Variants in TRIP6 observed in about 807,000 individuals in gnomAD.
TRIP6 encodes the protein thyroid hormone receptor interactor 6.
A neutral mutation model predicts 51.9 loss-of-function variants in TRIP6; 33 were observed. The observed-to-expected ratio is 0.64, with a 90% CI of 0.48 to 0.85. The LOEUF (loss-of-function observed/expected upper bound fraction) is 0.85. Ranked by LOEUF, TRIP6 falls within the 40% of genes least tolerant of loss-of-function variation. The probability of loss-of-function intolerance (pLI) is 0.00; values close to 1 mark genes in which losing one functional copy is unlikely to be tolerated. For missense variants in TRIP6, 661 were observed against 652.1 expected (o/e 1.01, Z -0.15); for synonymous variants, 255 against 275.8 (o/e 0.92, Z 0.75).
chr7:100,872,629 T>C lies in TRIP6; in HGVS notation c.1184T>C (p.Phe395Ser), dbSNP rs759739584. The change falls in exon 8 of 9, where the codon TTT becomes TCT. Residue 395 changes from phenylalanine (F) to serine (S), a missense_variant. By Grantham distance (155) the Phe-to-Ser change is radical. Transcript: ENST00000200457. ...TTGGTTCTCTTCCCCTGCAGGAAGT[T>C]TGCCCCAAGATGCTCAGTGTGCGGT... ...IHCIEDFHRK[F>S]APRCSVCGGA... 1 of 1,614,002 alleles carries C rather than the reference T, an allele frequency of 6.2e-7. No homozygotes were observed. Among genetic ancestry groups the C allele is most frequent in the Non-Finnish European group, 8.5e-7 (1 of 1,179,926 alleles).
intron 3 of TRIP6, 24 bp from the exon 4 acceptor site, chr7:100,868,471 C>A: frequency 8.1e-6 from 13 of 1,613,018 alleles, no homozygotes; most frequent in Non-Finnish European, 1.1e-5. Context: ...TTGCTTACGA[C>A]TTCTGGCCTG....
In TRIP6 at chr7:100,868,745, G is replaced by T. The variant is rs956739490; in HGVS notation, c.614G>T (p.Arg205Leu). 3.9e-6 allele frequency: 6 copies of T among 1,555,302 alleles called. No individual in the cohort carries two copies. The East Asian group carries it at 1.1e-4, about 29-fold the overall frequency. Reference protein sequence around the residue: ...LPGPHFPLPGRGEVWGPGYRS... With the variant: ...LPGPHFPLPGLGEVWGPGYRS... ...GGCCCCCACTTTCCTCTCCCAGGCC[G>T]AGGTGAAGTCTGGGGGCCTGGCTAT... Residue 205 changes from arginine (R) to leucine (L), a missense_variant, in exon 4 of 9, where the codon CGA (arginine) becomes CTA (leucine). Transcript: ENST00000200457.
At position 100,871,780 on chromosome 7, in the gene TRIP6, C is replaced by T. The variant is rs1815277261; in HGVS notation, c.1178+59C>T. 3 of 1,578,208 alleles carry T rather than the reference C, an allele frequency of 1.9e-6. No individual in the cohort carries two copies. In the South Asian group the frequency reaches 3.4e-5, roughly 18 times the overall value. On this transcript the variant is annotated intron_variant, in intron 7 of 8. Coordinates refer to ENST00000200457, the MANE Select transcript of TRIP6 (RefSeq NM_003302.3). ...CTGACCTTTCCTGTCTCTCTCATCT[C>T]TTCATGCCCCAGGACTGTCTCTTCC... is the stretch of plus-strand genomic sequence containing the variant.
At chr7:100,872,507 T>C in intron 7 of TRIP6, 117 bp from the exon 8 acceptor site, 4 of 1,464,970 alleles carry the variant, frequency 2.7e-6, no homozygotes, top group Non-Finnish European at 3.7e-6. Flanking sequence ...CCCCAAGACC[T>C]AAGGCCATAC....
In TRIP6 at chr7:100,870,456, G is replaced by A; in HGVS notation, c.822G>A (p.Glu274=). Residue 274 remains glutamate (E), a synonymous_variant, in exon 5 of 9, where the codon GAG becomes GAA. Transcript: ENST00000200457. ...ACATGAACCACCCGCCCAGCGGGGA[G>A]TACTTTGGTGAGCTGAGGCTGTGGG... ...VHDMNHPPSG[E]YFGQCGGCGE... 1 of 1,554,758 alleles carries A rather than the reference G, an allele frequency of 6.4e-7. No individual in the cohort carries two copies. Among genetic ancestry groups the A allele is most frequent in the Non-Finnish European group, 8.8e-7 (1 of 1,137,432 alleles).
At chr7:100,868,424 G>C in intron 3 of TRIP6, 71 bp from the exon 4 acceptor site, 1 of 1,607,398 alleles carries the variant, frequency 6.2e-7, no homozygotes, top group East Asian at 2.2e-5. Context: ...CCACAGCCAG[G>C]GTCATTTCCA....
rs1050009882 is a variant in TRIP6, at chr7:100,870,255, G to A, written c.736-115G>A. On this transcript the variant is annotated intron_variant, in intron 4 of 8. Coordinates refer to ENST00000200457, the MANE Select transcript of TRIP6 (RefSeq NM_003302.3). ...ACAGATGAAGCTTTGCTTGCCCATT[G>A]CTCAGCTCCTGCTGTGTGGCCCAGT... The A allele has an allele frequency of 8.8e-6, 9 of 1,018,590 alleles. No homozygotes were observed. The African/African-American group carries it at 1.3e-4, about 15-fold the overall frequency. The allele number at this position is 1,018,590 out of a possible 1,614,324, so 63.1% of individuals were successfully genotyped here. A position where few individuals can be genotyped will look rare whatever the true frequency, so the allele number is the denominator to read the frequency against.
chr7:100,870,347 C>G (rs1048751928), intron 4 of TRIP6, 23 bp from the exon 5 acceptor site: 3 of 1,457,214 alleles, frequency 2.1e-6, no homozygotes, highest in Admixed American at 4.5e-5. Flanking sequence ...AGAGTAGGAC[C>G]GAGCCCGATT....
intron 8 of TRIP6, 104 bp downstream of exon 8, chr7:100,872,848 CTTTCTTTT>C: frequency 2.3e-6 from 3 of 1,281,316 alleles, no homozygotes; most frequent in Non-Finnish European, 3.1e-6. Context: ...CCTGTTGCTT[CTTTCTTTT>C]TTTTTTTTTT....
rs35246066 is a variant in TRIP6, at chr7:100,872,645, A to T, written c.1200A>T (p.Ser400=). Reference sequence around the variant, plus strand: ...GCAGGAAGTTTGCCCCAAGATGCTCAGTGTGCGGTGGGGCCATAATGCCTG... The same window carrying T: ...GCAGGAAGTTTGCCCCAAGATGCTCTGTGTGCGGTGGGGCCATAATGCCTG... The part of the protein sequence containing the change: ...DFHRKFAPRC[S]VCGGAIMPEP... The change falls in exon 8 of 9, where the codon TCA becomes TCT. Residue 400 remains serine, a synonymous_variant. Transcript: ENST00000200457. The T allele has an allele frequency of 7.8e-4, 1,255 of 1,614,006 alleles. 11 individuals are homozygous for T. In the African/African-American group the frequency reaches 0.015, roughly 19 times the overall value.
chr7:100,872,168 C>A (rs1481088422), intron 7 of TRIP6, among the ~76,000 whole-genome samples: 3 of 150,582 alleles, frequency 2.0e-5, no homozygotes, highest in African/African-American at 7.3e-5. Flanking sequence ...GCGCATGCCA[C>A]CACGCCTGGC....
In TRIP6 at chr7:100,868,728, C is replaced by A. The variant is rs143534289; in HGVS notation, c.597C>A (p.His199Gln). The A allele has an allele frequency of 7.6e-4, 1,184 of 1,565,716 alleles. 9 individuals are homozygous for A. The East Asian group carries it at 0.019, about 25-fold the overall frequency. The stretch of plus-strand genomic sequence containing the variant: ...CCTCTGGGCCCCTCCCGGGCCCCCA[C>A]TTTCCTCTCCCAGGCCGAGGTGAAG... ...SQASGPLPGP[H>Q]FPLPGRGEVW... The change falls in exon 4 of 9, where the codon CAC becomes CAA. Residue 199 changes from histidine (H) to glutamine (Q), a missense_variant. By Grantham distance (24) the His-to-Gln change is conservative. Coordinates refer to ENST00000200457, the MANE Select transcript of TRIP6 (RefSeq NM_003302.3).
At chr7:100,872,911 C>G in intron 8 of TRIP6, 167 bp downstream of exon 8, 3 of 1,223,476 alleles carry the variant, frequency 2.5e-6, no homozygotes, top group Non-Finnish European at 3.3e-6. Context: ...AGTGCAGTGG[C>G]ACAATCTTGG....
chr7:100,869,548 CTTGAA>C (rs1239151984), intron 4 of TRIP6, among the ~76,000 whole-genome samples: 5 of 147,342 alleles, frequency 3.4e-5, no homozygotes, highest in African/African-American at 5.0e-5. Flanking sequence ...AGGAGAATCA[CTTGAA>C]CCTGGGAGGT....
intron 8 of TRIP6, 66 bp from the exon 9 acceptor site, chr7:100,873,106 C>T (rs533846040): frequency 2.3e-4 from 362 of 1,571,894 alleles, no homozygotes; most frequent in Non-Finnish European, 4.2e-5. Flanking sequence ...GCCTCGGCTT[C>T]TCAAAGTGCT....
Position 100,872,637 on chromosome 7 carries a change from A to G in TRIP6, c.1192A>G (p.Arg398Gly), listed in dbSNP as rs1221954355. The G allele has an allele frequency of 6.2e-7, 1 of 1,614,014 alleles. No homozygotes were observed. The highest frequency in any genetic ancestry group is 1.7e-5 in the Admixed American group (1 of 60,012). ...CTTCCCCTGCAGGAAGTTTGCCCCA[A>G]GATGCTCAGTGTGCGGTGGGGCCAT... ...IEDFHRKFAP[R>G]CSVCGGAIMP... is the part of the protein sequence containing the mutation. Residue 398 changes from arginine to glycine, a missense_variant, in exon 8 of 9, where the codon AGA becomes GGA. Coordinates refer to ENST00000200457, the MANE Select transcript of TRIP6 (RefSeq NM_003302.3).
Position 100,868,496 on chromosome 7 carries a change from C to G in TRIP6, c.365C>G (p.Ala122Gly). The change falls in exon 4 of 9, where the codon GCA (alanine) becomes GGA (glycine). Residue 122 changes from alanine (A) to glycine (G), a missense_variant and splice_region_variant. Physicochemically the swap from Ala to Gly is moderately conservative, Grantham distance 60. Transcript: ENST00000200457. ...CTTCTGGCCTGCGTTTCTCCTCAGG[C>G]ATATGAGCCCCCGCCACCTCCTGCC... ...GHASRRPDRQ[A>G]YEPPPPPAYR... 2 of 1,613,046 alleles carry G rather than the reference C, an allele frequency of 1.2e-6. No homozygotes were observed. The highest frequency in any genetic ancestry group is 1.7e-6 in the Non-Finnish European group (2 of 1,179,998).
In TRIP6 at chr7:100,868,972, G is replaced by A. The variant is rs541708902; in HGVS notation, c.735+106G>A. 4.4e-6 allele frequency: 6 copies of A among 1,354,920 alleles called. No individual in the cohort carries two copies. The East Asian group carries it at 1.4e-4, about 32-fold the overall frequency. The allele number at this position is 1,354,920 out of a possible 1,614,324, so 83.9% of individuals were successfully genotyped here. A position where few individuals can be genotyped will look rare whatever the true frequency, so the allele number is the denominator to read the frequency against. Reference sequence around the variant, plus strand: ...GGGCTTTTTTGTTTTTTGAGACAGAGTTTTGCTCTTGTTTGCCCAGGCTGG... The same window carrying A: ...GGGCTTTTTTGTTTTTTGAGACAGAATTTTGCTCTTGTTTGCCCAGGCTGG... On this transcript the variant is annotated intron_variant, in intron 4 of 8. Transcript: ENST00000200457.
rs375609381 is a variant in TRIP6 at position 100,868,053 on chromosome 7, G to T, written c.238-55G>T. ...CCAGAACCGAGTCTGAGGGACCCAG[G>T]ACAGGAGAAGGCCTATGGTGATTTG... On this transcript the variant is annotated intron_variant, in intron 2 of 8. Coordinates refer to ENST00000200457, the MANE Select transcript of TRIP6 (RefSeq NM_003302.3). The T allele has an allele frequency of 1.3e-5, 20 of 1,570,998 alleles. No individual in the cohort carries two copies. In the East Asian group the frequency reaches 3.8e-4, roughly 30 times the overall value.
Sources: allele counts gnomAD v4.1 joint callset (sites outside exome capture counted in the v4.1 genomes callset), GRCh38; gene constraint gnomAD v4.1.1; transcripts MANE v1.5; gene names NCBI Gene and HGNC (gene_info 2026-07-23, HGNC 2026-07-21).